Variants in MSI2 observed in about 807,000 individuals in gnomAD.
MSI2 encodes the protein RNA-binding protein Musashi homolog 2.
MSI2 carries 17 observed loss-of-function variants against 45.6 expected under a neutral mutation model. The ratio of observed to expected loss-of-function variants is 0.37; its 90% CI spans 0.26 to 0.56. MSI2 has a LOEUF of 0.56. MSI2 is among the 20% of genes least tolerant of loss of function. The pLI, the probability that MSI2 is intolerant of heterozygous loss-of-function variation, is 0.77. For synonymous variants in MSI2, 156 were observed against 158.2 expected (o/e 0.99, Z 0.11); for missense variants, 293 against 444.2 (o/e 0.66, Z 3.06).
rs12602160 is a variant in MSI2 at position 57,280,073 on chromosome 17, G to A, written c.312+17881G>A. On this transcript the variant is annotated intron_variant, in intron 5 of 13. Coordinates refer to ENST00000284073, the MANE Select transcript of MSI2 (RefSeq NM_138962.4). This position sits in a 1 kb window ranked among gnomAD's most constrained non-coding sequence, Gnocchi z 4.2. ...TGGGAAGGCTTCCTGGAGAAATAAC[G>A]TTGAGGCTGAGCTTGATGTAGGGAG... The A allele has an allele frequency of 0.055, 8,384 of 151,946 alleles. 343 individuals are homozygous for A. The highest frequency in any genetic ancestry group is 0.16 in the South Asian group (769 of 4,806). The allele number at this position is 151,946 out of a possible 1,614,324, so 9.4% of individuals were successfully genotyped here.
intron 13 of MSI2, among the ~76,000 whole-genome samples, chr17:57,677,425 C>T (rs774202069): frequency 1.1e-4 from 16 of 152,114 alleles, no homozygotes; most frequent in Non-Finnish European, 1.9e-4. Context: ...GGGATAGAGG[C>T]AGGGAAGCAT....
chr17:57,670,336 G>A (rs1912688341), intron 11 of MSI2, among the ~76,000 whole-genome samples: 1 of 152,212 alleles, frequency 6.6e-6, no homozygotes, highest in African/African-American at 2.4e-5. Flanking sequence ...TGTCACTGCA[G>A]TTGGGCAGAG....
intron 6 of MSI2, among the ~76,000 whole-genome samples, chr17:57,512,165 C>G (rs764564935): frequency 2.0e-5 from 3 of 152,224 alleles, no homozygotes; most frequent in Admixed American, 1.3e-4. Context: ...ATCACGTATC[C>G]TGCACTGATG....
intron 5 of MSI2, among the ~76,000 whole-genome samples, chr17:57,325,031 A>G (rs1361133155): frequency 6.6e-6 from 1 of 152,228 alleles, no homozygotes; most frequent in Non-Finnish European, 1.5e-5. Flanking sequence ...ACCTATGTTT[A>G]TCACAGCACA....
intron 5 of MSI2, among the ~76,000 whole-genome samples, chr17:57,326,068 A>G (rs884380): frequency 0.24 from 37,165 of 151,910 alleles, 5,988 homozygotes; most frequent in African/African-American, 0.46. Context: ...GTGCCTTTTT[A>G]GCAAAACATT....
At chr17:57,305,539 G>T (rs1050406214) in intron 5 of MSI2, among the ~76,000 whole-genome samples, 4 of 152,166 alleles carry the variant, frequency 2.6e-5, no homozygotes, top group Non-Finnish European at 4.4e-5. Flanking sequence ...AACACACGCT[G>T]ATCACTGTGT....
At chr17:57,422,346 G>C (rs2084411355) in intron 6 of MSI2, among the ~76,000 whole-genome samples, 1 of 152,140 alleles carries the variant, frequency 6.6e-6, no homozygotes, top group Non-Finnish European at 1.5e-5. Flanking sequence ...CGTAGTCTCA[G>C]CTACTCAGGA....
chr17:57,575,132 A>C (rs1470445499), intron 7 of MSI2, among the ~76,000 whole-genome samples: 2 of 146,156 alleles, frequency 1.4e-5, no homozygotes, highest in East Asian at 2.0e-4. Flanking sequence ...GCCCGGCCGC[A>C]TTCTCTTTTT....
intron 9 of MSI2, among the ~76,000 whole-genome samples, chr17:57,617,029 C>T (rs1226018910): frequency 1.3e-5 from 2 of 152,154 alleles, no homozygotes; most frequent in Non-Finnish European, 1.5e-5. Context: ...TTGATAAGCC[C>T]TTTCTATATT....
At chr17:57,581,240 T>C (rs1006895805) in intron 7 of MSI2, among the ~76,000 whole-genome samples, 3 of 152,112 alleles carry the variant, frequency 2.0e-5, no homozygotes, top group African/African-American at 4.8e-5. Context: ...CTTGAACTCC[T>C]GGCCTCAGGT....
intron 6 of MSI2, among the ~76,000 whole-genome samples, chr17:57,441,527 G>A (rs1322973489): frequency 1.3e-5 from 2 of 152,066 alleles, no homozygotes; most frequent in African/African-American, 4.8e-5. Flanking sequence ...GTTTTGAATC[G>A]CAGCTTCAGG....
chr17:57,597,077 G>T, intron 8 of MSI2, 127 bp downstream of exon 8: 2 of 663,306 alleles, frequency 3.0e-6, no homozygotes, highest in East Asian at 2.7e-5. Context: ...CTAGATGCTC[G>T]GGGTCCAGGC....
chr17:57,597,073 G>C, intron 8 of MSI2, 123 bp downstream of exon 8: 1 of 676,530 alleles, frequency 1.5e-6, no homozygotes, highest in Admixed American at 2.3e-5. Flanking sequence ...GGGGCTAGAT[G>C]CTCGGGGTCC....
chr17:57,479,418 C>T (rs1344210939), intron 6 of MSI2, among the ~76,000 whole-genome samples: 1 of 152,212 alleles, frequency 6.6e-6, no homozygotes, highest in Non-Finnish European at 1.5e-5. Context: ...ACTGTCTTCT[C>T]TGGACTCAGT....
At chr17:57,258,605 G>C (rs772050776) in intron 4 of MSI2, among the ~76,000 whole-genome samples, 6 of 152,228 alleles carry the variant, frequency 3.9e-5, no homozygotes, top group Non-Finnish European at 5.9e-5. Context: ...GGCTCCTGGA[G>C]AGTCTGCCTT....
At chr17:57,256,905 G>GCCC in intron 1 of MSI2, 101 bp downstream of exon 1, 1 of 598,644 alleles carries the variant, frequency 1.7e-6, no homozygotes, top group South Asian at 6.5e-5. Context: ...GCGCCCCCCC[G>GCCC]CCTCTCCCGC....
At chr17:57,346,082 C>T (rs1364813265) in intron 5 of MSI2, among the ~76,000 whole-genome samples, 1 of 152,156 alleles carries the variant, frequency 6.6e-6, no homozygotes, top group Non-Finnish European at 1.5e-5. Flanking sequence ...TTATTTATCA[C>T]TTCTGTGATT....
At chr17:57,351,328 G>A (rs958486531) in intron 5 of MSI2, among the ~76,000 whole-genome samples, 1 of 152,046 alleles carries the variant, frequency 6.6e-6, no homozygotes, top group African/African-American at 2.4e-5. Flanking sequence ...TATTCCCAGG[G>A]CCCATCATAG....
chr17:57,613,574 G>A (rs1407426095), intron 8 of MSI2, among the ~76,000 whole-genome samples: 6 of 152,140 alleles, frequency 3.9e-5, no homozygotes, highest in Non-Finnish European at 8.8e-5. Context: ...GGCTTTTGAT[G>A]TAGTGTCTGG....
Sources: allele counts gnomAD v4.1 joint callset (sites outside exome capture counted in the v4.1 genomes callset), GRCh38; gene constraint gnomAD v4.1.1; non-coding constraint Gnocchi (gnomAD v3.1); transcripts MANE v1.5; gene names NCBI Gene and HGNC (gene_info 2026-07-23, HGNC 2026-07-21).